OR2C1: variants seen among roughly 807,000 people sequenced by gnomAD.
OR2C1 encodes olfactory receptor family 2 subfamily C member 1, also known as olfactory receptor 2C1.
For synonymous variants in OR2C1, 209 were observed against 167.3 expected (o/e 1.25, Z -1.92); for missense variants, 468 against 388.3 (o/e 1.21, Z -1.73).
the OR2C1 span, chr16:3,323,599 T>C: frequency 2.7e-6 from 2 of 746,204 alleles, no homozygotes; most frequent in African/African-American, 1.7e-5. Flanking sequence ...TAAGATGAAG[T>C]CTTGCAATGG....
chr16:3,350,380 G>T, the OR2C1 span, among the ~76,000 whole-genome samples: 11 of 149,264 alleles, frequency 7.4e-5, no homozygotes, highest in African/African-American at 2.2e-4. Flanking sequence ...TGTTTGGTTG[G>T]TTGGTTGGTT....
At chr16:3,328,137 G>A in the OR2C1 span, among the ~76,000 whole-genome samples, 3 of 152,122 alleles carry the variant, frequency 2.0e-5, no homozygotes, top group African/African-American at 7.2e-5. Context: ...TTTTTCTAAA[G>A]TAGTTACTCT....
chr16:3,323,661 A>C, the OR2C1 span: 1 of 694,218 alleles, frequency 1.4e-6, no homozygotes, highest in African/African-American at 1.8e-5. Flanking sequence ...CATACAACAA[A>C]GGCCAAGGAA....
the OR2C1 span, among the ~76,000 whole-genome samples, chr16:3,333,464 T>C: frequency 6.6e-6 from 1 of 151,968 alleles, no homozygotes; most frequent in Non-Finnish European, 1.5e-5. Context: ...GCCTCCCCAG[T>C]AGCTGGTACT....
At chr16:3,328,805 G>C in the OR2C1 span, among the ~76,000 whole-genome samples, 23 of 152,170 alleles carry the variant, frequency 1.5e-4, no homozygotes, top group Non-Finnish European at 2.8e-4. Context: ...AGCCCAGAGA[G>C]TGTTGCCAGA....
At chr16:3,337,074 C>T in the OR2C1 span, among the ~76,000 whole-genome samples, 27 of 151,006 alleles carry the variant, frequency 1.8e-4, no homozygotes, top group African/African-American at 5.1e-4. Flanking sequence ...AGGCTGGTCT[C>T]GAACTCCTGA....
chr16:3,353,301 C>T (rs1388621004), upstream of OR2C1, among the ~76,000 whole-genome samples: 1 of 151,104 alleles, frequency 6.6e-6, no homozygotes, highest in Non-Finnish European at 1.5e-5. Flanking sequence ...ACCATCCTGG[C>T]CAACATGGTC....
chr16:3,326,274 C>G, the OR2C1 span, among the ~76,000 whole-genome samples: 1 of 152,030 alleles, frequency 6.6e-6, no homozygotes, highest in African/African-American at 2.4e-5. Context: ...AGAACAAACC[C>G]AGCACTCACC....
At chr16:3,357,420 C>G (rs1368689669), downstream of OR2C1, 1 of 155,048 alleles carries the variant, frequency 6.4e-6, no homozygotes, top group African/African-American at 2.4e-5. Context: ...GTTGCCCAGG[C>G]TGAAGTAGAG....
chr16:3,345,442 C>T, the OR2C1 span, among the ~76,000 whole-genome samples: 1 of 150,610 alleles, frequency 6.6e-6, no homozygotes, highest in African/African-American at 2.4e-5. Flanking sequence ...ACGGAGATCG[C>T]AGCACTGCAC....
At chr16:3,324,778 T>G in the OR2C1 span, among the ~76,000 whole-genome samples, 6 of 152,114 alleles carry the variant, frequency 3.9e-5, no homozygotes, top group Non-Finnish European at 8.8e-5. Flanking sequence ...CGTATATATA[T>G]GTACATACAT....
At chr16:3,333,198 G>A in the OR2C1 span, among the ~76,000 whole-genome samples, 11 of 70,390 alleles carry the variant, frequency 1.6e-4, no homozygotes, top group African/African-American at 5.4e-4. Flanking sequence ...ATGTGTATTC[G>A]GATCTTTTGC....
the OR2C1 span, among the ~76,000 whole-genome samples, chr16:3,349,283 G>C: frequency 2.0e-5 from 3 of 152,310 alleles, no homozygotes; most frequent in Non-Finnish European, 4.4e-5. Flanking sequence ...GTGACAGACT[G>C]AGTCGGTTCT....
At chr16:3,353,027 G>A (rs1311922103), upstream of OR2C1, among the ~76,000 whole-genome samples, 5 of 151,810 alleles carry the variant, frequency 3.3e-5, no homozygotes, top group African/African-American at 9.7e-5. Flanking sequence ...ACAGGCGTCA[G>A]CCACTGCGCC....
At chr16:3,348,859 G>T in the OR2C1 span, among the ~76,000 whole-genome samples, 1 of 152,080 alleles carries the variant, frequency 6.6e-6, no homozygotes, top group African/African-American at 2.4e-5. Context: ...AGTGTCTAAG[G>T]CTCATGTCCC....
upstream of OR2C1, among the ~76,000 whole-genome samples, chr16:3,353,629 C>T (rs147431353): frequency 5.8e-3 from 882 of 152,030 alleles, 12 homozygotes; most frequent in African/African-American, 0.02. Context: ...GGTGAAACCC[C>T]GCCTCTACTA....
At chr16:3,343,738 C>A in the OR2C1 span, among the ~76,000 whole-genome samples, 28 of 150,708 alleles carry the variant, frequency 1.9e-4, no homozygotes, top group Middle Eastern at 3.6e-3. Flanking sequence ...GGCAACAGAG[C>A]AAGACCCTGT....
At chr16:3,354,561 C>G (rs2030628679), upstream of OR2C1, among the ~76,000 whole-genome samples, 1 of 152,178 alleles carries the variant, frequency 6.6e-6, no homozygotes, top group African/African-American at 2.4e-5. Context: ...TCTGTATCTA[C>G]TCTTTCCATT....
chr16:3,352,018 G>T (rs2030580876), upstream of OR2C1, among the ~76,000 whole-genome samples: 1 of 151,802 alleles, frequency 6.6e-6, no homozygotes, highest in Non-Finnish European at 1.5e-5. Flanking sequence ...TTTTAAAGGA[G>T]CTTGATTGTT....
Sources: gnomAD v4.1 joint callset for allele counts (sites outside exome capture counted in the v4.1 genomes callset) on GRCh38, gnomAD v4.1.1 for gene constraint, MANE v1.5 for transcripts, NCBI Gene and HGNC (gene_info 2026-07-23, HGNC 2026-07-21) for gene names.